Variants in SLIT3 observed in about 807,000 individuals in gnomAD.
The protein encoded by SLIT3 is slit guidance ligand 3, also known as slit homolog 3 protein.
Under a neutral mutation model 184.0 loss-of-function variants are expected in SLIT3, and 68 were observed. The ratio of observed to expected loss-of-function variants is 0.37; its 90% CI spans 0.30 to 0.45. The LOEUF (loss-of-function observed/expected upper bound fraction) is 0.45. SLIT3 is among the 20% of genes least tolerant of loss of function. SLIT3 has a pLI of 1.00. For missense variants in SLIT3, 1,707 were observed against 2,026.0 expected (o/e 0.84, Z 3.02); for synonymous variants, 831 against 828.6 (o/e 1.00, Z -0.05).
intron 4 of SLIT3, among the ~76,000 whole-genome samples, chr5:169,136,651 C>T (rs555987454): frequency 2.5e-4 from 38 of 152,320 alleles, no homozygotes; most frequent in African/African-American, 5.3e-4. Context: ...CATCTTTCAA[C>T]GCCTAAAAAC....
At chr5:168,749,192 T>G (rs958242337) in intron 19 of SLIT3, among the ~76,000 whole-genome samples, 1 of 152,250 alleles carries the variant, frequency 6.6e-6, no homozygotes, top group Non-Finnish European at 1.5e-5. Context: ...TGGCAGTATC[T>G]TGTTTTAATG....
chr5:168,993,725 C>T (rs1755412558), intron 4 of SLIT3, among the ~76,000 whole-genome samples: 1 of 151,014 alleles, frequency 6.6e-6, no homozygotes. Flanking sequence ...AGAAACAAGA[C>T]ACAAAGTGAA....
chr5:168,670,096 C>T (rs1243812948), intron 34 of SLIT3, 105 bp from the exon 35 acceptor site: 7 of 886,900 alleles, frequency 7.9e-6, no homozygotes, highest in Admixed American at 2.0e-5. Context: ...GAGCTGAGTA[C>T]AGTCCAATAG....
At chr5:168,817,575 T>C (rs968133434) in intron 7 of SLIT3, 112 bp from the exon 8 acceptor site, 1 of 1,010,404 alleles carries the variant, frequency 9.9e-7, no homozygotes, top group Non-Finnish European at 1.5e-6. Flanking sequence ...AGTGTGAAAA[T>C]CCCTAGGAGC....
At chr5:169,237,587 A>G (rs1224686379) in intron 3 of SLIT3, among the ~76,000 whole-genome samples, 3 of 152,132 alleles carry the variant, frequency 2.0e-5, no homozygotes, top group Admixed American at 6.5e-5. Flanking sequence ...AATTTTTTAA[A>G]TTTTCACCAC....
intron 1 of SLIT3, among the ~76,000 whole-genome samples, chr5:169,261,837 G>A (rs1581113805): frequency 6.6e-6 from 1 of 152,188 alleles, no homozygotes; most frequent in Non-Finnish European, 1.5e-5. Context: ...CATGTTACAT[G>A]GGACGGCAAT....
Position 168,823,173 on chromosome 5 carries a change from T to C in SLIT3, c.629+87A>G, listed in dbSNP as rs1757588269. The stretch of plus-strand genomic sequence containing the variant: ...CGGAACCATCTGCCTAGTCATAGCA[T>C]GGTAGGTTTGACAAGCAGCGTAGAG... On this transcript the variant is annotated intron_variant, in intron 7 of 35. Transcript: ENST00000519560. The C allele has an allele frequency of 4.0e-6, 4 of 1,004,464 alleles. No homozygotes were observed. In the Admixed American group the frequency reaches 6.8e-5, roughly 17 times the overall value. The allele number at this position is 1,004,464 out of a possible 1,614,324, so 62.2% of individuals were successfully genotyped here.
intron 4 of SLIT3, among the ~76,000 whole-genome samples, chr5:169,100,462 TG>T (rs1759966636): frequency 6.6e-6 from 1 of 152,094 alleles, no homozygotes; most frequent in Non-Finnish European, 1.5e-5. Flanking sequence ...TGGAAGAAAA[TG>T]CTTTGTAAAT....
At chr5:168,676,294 G>A (rs1223724793) in intron 32 of SLIT3, among the ~76,000 whole-genome samples, 1 of 152,172 alleles carries the variant, frequency 6.6e-6, no homozygotes, top group South Asian at 2.1e-4. Context: ...TAGGGTAACT[G>A]CACTCACAAA....
At chr5:169,117,512 T>C (rs1760718724) in intron 4 of SLIT3, among the ~76,000 whole-genome samples, 1 of 151,912 alleles carries the variant, frequency 6.6e-6, no homozygotes, top group East Asian at 1.9e-4. Flanking sequence ...TGCCAGGAAA[T>C]GCAAATTCAG....
At chr5:168,787,186 A>T (rs534501038) in intron 11 of SLIT3, among the ~76,000 whole-genome samples, 1 of 152,318 alleles carries the variant, frequency 6.6e-6, no homozygotes, top group South Asian at 2.1e-4. Flanking sequence ...CACATTTGTA[A>T]TTCATATTAA....
intron 4 of SLIT3, among the ~76,000 whole-genome samples, chr5:169,067,453 A>G (rs1000951566): frequency 2.0e-5 from 3 of 152,084 alleles, no homozygotes; most frequent in African/African-American, 7.2e-5. Flanking sequence ...TAATTACCCC[A>G]CATAGGCAGT....
intron 20 of SLIT3, among the ~76,000 whole-genome samples, chr5:168,736,971 T>A (rs1230548104): frequency 6.6e-6 from 1 of 152,238 alleles, no homozygotes; most frequent in South Asian, 2.1e-4. Context: ...TGAAGAGTTG[T>A]TAGCAGGGTG....
chr5:169,264,486 C>T (rs575658101), intron 1 of SLIT3, among the ~76,000 whole-genome samples: 2 of 152,268 alleles, frequency 1.3e-5, no homozygotes, highest in African/African-American at 4.8e-5. Flanking sequence ...CCGGAAGATG[C>T]TTTTTGATGA....
intron 20 of SLIT3, among the ~76,000 whole-genome samples, chr5:168,739,252 C>G (rs1035069282): frequency 6.6e-6 from 1 of 152,044 alleles, no homozygotes; most frequent in African/African-American, 2.4e-5. Flanking sequence ...TAAGACAGAT[C>G]GGTAGAGTTA....
intron 3 of SLIT3, among the ~76,000 whole-genome samples, chr5:169,194,189 C>T (rs561349273): frequency 9.3e-4 from 113 of 121,096 alleles, no homozygotes; most frequent in African/African-American, 3.4e-3. Flanking sequence ...GAGCTGAGAT[C>T]GTGCCACTGC....
At chr5:168,936,552 G>GCGGC (rs1407501998) in intron 4 of SLIT3, among the ~76,000 whole-genome samples, 1 of 152,150 alleles carries the variant, frequency 6.6e-6, no homozygotes, top group Non-Finnish European at 1.5e-5. Flanking sequence ...CTTAGAGCAA[G>GCGGC]CGGCCAGTGA....
At chr5:168,834,414 G>A (rs1175901825) in intron 6 of SLIT3, among the ~76,000 whole-genome samples, 7 of 151,992 alleles carry the variant, frequency 4.6e-5, no homozygotes, top group African/African-American at 1.4e-4. Flanking sequence ...AGAAAGGGCC[G>A]GGCACAGTGG....
intron 10 of SLIT3, 91 bp downstream of exon 10, chr5:168,795,416 T>TC: frequency 2.2e-6 from 2 of 927,590 alleles, no homozygotes; most frequent in Admixed American, 3.4e-5. Flanking sequence ...ATGGACATGG[T>TC]CCGTCACCTG....
Sources: gnomAD v4.1 joint callset for allele counts (sites outside exome capture counted in the v4.1 genomes callset) on GRCh38, gnomAD v4.1.1 for gene constraint, MANE v1.5 for transcripts, NCBI Gene and HGNC (gene_info 2026-07-23, HGNC 2026-07-21) for gene names.